DENND4A: variants seen among roughly 807,000 people sequenced by gnomAD.
The protein encoded by DENND4A is C-myc promoter-binding protein.
A neutral mutation model predicts 199.3 loss-of-function variants in DENND4A; 70 were observed. That is an observed-to-expected ratio of 0.35 (90% CI 0.29 to 0.43). The LOEUF is 0.43. DENND4A is among the 20% of genes least tolerant of loss of function. The probability of loss-of-function intolerance (pLI) is 1.00; values close to 1 mark genes in which losing one functional copy is unlikely to be tolerated. For missense variants in DENND4A, 1,723 were observed against 2,255.8 expected, an observed-to-expected ratio of 0.76 and a Z score of 4.78; for synonymous variants, 686 against 766.9, an observed-to-expected ratio of 0.89 and a Z score of 1.74.
At chr15:65,680,753 A>G (rs1263962275) in intron 23 of DENND4A, 2 of 152,226 alleles carry the variant, frequency 1.3e-5, no homozygotes. Flanking sequence ...GTCGCAATAA[A>G]GCAAACCACA....
intron 1 of DENND4A, among the ~76,000 whole-genome samples, chr15:65,765,499 C>T (rs2076961009): frequency 6.6e-6 from 1 of 152,182 alleles, no homozygotes; most frequent in Admixed American, 6.5e-5. Context: ...ACCTTTCACC[C>T]CGTTTTCTTC....
intron 22 of DENND4A, among the ~76,000 whole-genome samples, chr15:65,693,618 CCTCCTTTCTGA>C (rs1387793219): frequency 6.6e-6 from 1 of 151,436 alleles, no homozygotes; most frequent in African/African-American, 2.4e-5. Flanking sequence ...CCTCTCAATT[CCTCCTTTCTGA>C]CTCCTACCCT....
Position 65,667,455 on chromosome 15 carries a change from A to G in DENND4A, c.5235T>C (p.Tyr1745=). ...LILSSEHCNK[Y]SKIPRHCMSE... ...TTAATTTTTAGTCTCATACCTTTGA[A>G]TACTTGTTACAGTGCTCAGAAGAAA... The change falls in exon 29 of 33, where the codon TAT becomes TAC. Residue 1745 remains tyrosine (Y), a synonymous_variant. Coordinates refer to ENST00000443035, the MANE Select transcript of DENND4A (RefSeq NM_001320835.1). The G allele has an allele frequency of 2.5e-6, 4 of 1,613,884 alleles. No individual in the cohort carries two copies. The highest frequency in any genetic ancestry group is 3.4e-6 in the Non-Finnish European group (4 of 1,179,824).
chr15:65,674,014 A>G (rs1471346187), intron 24 of DENND4A, among the ~76,000 whole-genome samples: 3 of 152,180 alleles, frequency 2.0e-5, no homozygotes, highest in Non-Finnish European at 4.4e-5. Flanking sequence ...AGTGGGGCTA[A>G]TCACCTAATT....
intron 15 of DENND4A, 91 bp downstream of exon 15, chr15:65,705,999 AT>A: frequency 7.3e-7 from 1 of 1,376,430 alleles, no homozygotes; most frequent in Non-Finnish European, 9.4e-7. Flanking sequence ...TAAAGTTTGG[AT>A]TTTTGAAAAT....
chr15:65,720,821 T>C (rs940285015), intron 12 of DENND4A, among the ~76,000 whole-genome samples: 1 of 151,298 alleles, frequency 6.6e-6, no homozygotes, highest in Non-Finnish European at 1.5e-5. Flanking sequence ...CGTAAAAGAA[T>C]GTATGTGAAT....
chr15:65,733,316 G>C (rs1238743161), intron 7 of DENND4A, among the ~76,000 whole-genome samples: 1 of 151,960 alleles, frequency 6.6e-6, no homozygotes, highest in Non-Finnish European at 1.5e-5. Context: ...GAATAAGATG[G>C]ATAAAAAGCT....
chr15:65,757,186 C>T (rs1160371559), intron 2 of DENND4A, among the ~76,000 whole-genome samples: 3 of 151,376 alleles, frequency 2.0e-5, no homozygotes, highest in Non-Finnish European at 2.9e-5. Flanking sequence ...TGTAAACTAC[C>T]ACTGAGTGGG....
intron 12 of DENND4A, among the ~76,000 whole-genome samples, chr15:65,719,888 C>A (rs1165485774): frequency 6.6e-6 from 1 of 151,912 alleles, no homozygotes; most frequent in Non-Finnish European, 1.5e-5. Flanking sequence ...CAGTGAGACA[C>A]CCTGTCTCAA....
chr15:65,676,674 A>T, intron 23 of DENND4A, 40 bp from the exon 24 acceptor site: 1 of 1,492,778 alleles, frequency 6.7e-7, no homozygotes, highest in South Asian at 1.4e-5. Flanking sequence ...TGTACATTTA[A>T]AGGTAATTAA....
At chr15:65,676,716 CT>C in intron 23 of DENND4A, 82 bp from the exon 24 acceptor site, 1 of 1,054,102 alleles carries the variant, frequency 9.5e-7, no homozygotes, top group Non-Finnish European at 1.3e-6. Context: ...AGAAAAAACA[CT>C]TATCACCTAA....
chr15:65,764,190 A>G lies in DENND4A; in HGVS notation c.-101-2752T>C, dbSNP rs190181725. On this transcript the variant is annotated intron_variant, in intron 1 of 32. Transcript: ENST00000443035. ...CCATAACTCTGCCCCATTAAACTTA[A>G]TATTTGTATCATTATTCTAAAAACA... 5.7e-3 allele frequency among the ~76,000 whole-genome samples: 865 copies of G among 152,252 alleles called. 10 individuals are homozygous for G. Among genetic ancestry groups the G allele is most frequent in the African/African-American group, 0.02 (827 of 41,540 alleles).
intron 1 of DENND4A, among the ~76,000 whole-genome samples, chr15:65,787,102 G>A (rs1437458645): frequency 1.3e-5 from 2 of 152,128 alleles, no homozygotes; most frequent in Non-Finnish European, 2.9e-5. Flanking sequence ...GTATGTGGGT[G>A]TATACATTTT....
chr15:65,752,545 CTAA>C lies in DENND4A; in HGVS notation c.392_394del (p.Ile131del). On this transcript the variant is annotated inframe_deletion, in exon 4 of 33. Transcript: ENST00000443035. ...AATTCTTTGTGATGAGGTACTCCCA[CTAA>C]TATTTGCGGGGCGCCCATAGGGAGT... is the stretch of plus-strand genomic sequence containing the variant. 1 of 1,613,168 alleles carries C rather than the reference CTAA, an allele frequency of 6.2e-7. No individual in the cohort carries two copies. The highest frequency in any genetic ancestry group is 8.5e-7 in the Non-Finnish European group (1 of 1,179,564).
intron 1 of DENND4A, among the ~76,000 whole-genome samples, chr15:65,779,895 C>G (rs1567106224): frequency 6.6e-6 from 1 of 151,656 alleles, no homozygotes; most frequent in East Asian, 2.0e-4. Context: ...AGTGTCTGGA[C>G]TTTATTTATT....
At chr15:65,733,801 C>T (rs1275010108) in intron 7 of DENND4A, among the ~76,000 whole-genome samples, 1 of 152,196 alleles carries the variant, frequency 6.6e-6, no homozygotes, top group Non-Finnish European at 1.5e-5. Context: ...GCCGTGCTCT[C>T]TGAAACATGT....
chr15:65,718,613 C>G lies in DENND4A; in HGVS notation c.1589-617G>C, dbSNP rs569182538. ...AGAATAATAAAAAAGGAACATAAACCCAGATCTCTCAAATCTTCATACAGA... is the reference window on the plus strand; with the variant it reads ...AGAATAATAAAAAAGGAACATAAACGCAGATCTCTCAAATCTTCATACAGA... On this transcript the variant is annotated intron_variant, in intron 12 of 32. Transcript: ENST00000443035. 9.2e-5 allele frequency among the ~76,000 whole-genome samples: 14 copies of G among 151,940 alleles called. No homozygotes were observed. In the East Asian group the frequency reaches 2.5e-3, roughly 27 times the overall value.
At chr15:65,692,451 A>G (rs1010011149) in intron 22 of DENND4A, among the ~76,000 whole-genome samples, 1 of 152,154 alleles carries the variant, frequency 6.6e-6, no homozygotes. Context: ...TAGGTATAGT[A>G]TCATCAACTA....
chr15:65,695,445 C>G (rs2077112817), intron 22 of DENND4A, among the ~76,000 whole-genome samples: 1 of 152,086 alleles, frequency 6.6e-6, no homozygotes, highest in African/African-American at 2.4e-5. Context: ...CTATAAAAAC[C>G]ATCATAGCTT....
Sources: allele counts gnomAD v4.1 joint callset (sites outside exome capture counted in the v4.1 genomes callset), GRCh38; gene constraint gnomAD v4.1.1; transcripts MANE v1.5; gene names NCBI Gene and HGNC (gene_info 2026-07-23, HGNC 2026-07-21).